SEMA3C: variants seen among roughly 807,000 people sequenced by gnomAD.
SEMA3C encodes semaphorin 3C.
In SEMA3C, 47 loss-of-function variants were observed where a neutral mutation model predicts 89.4. The ratio of observed to expected loss-of-function variants is 0.53; its 90% CI spans 0.42 to 0.67. SEMA3C has a LOEUF of 0.67. Among genes scored for constraint, SEMA3C ranks in the 30% least tolerant of loss-of-function variants. SEMA3C has a pLI of 0.00. For missense variants in SEMA3C, 839 were observed against 929.1 expected, an observed-to-expected ratio of 0.90 and a Z score of 1.26; for synonymous variants, 310 against 320.2, an observed-to-expected ratio of 0.97 and a Z score of 0.34.
At chr7:80,779,001 G>T (rs1788629985) in intron 12 of SEMA3C, among the ~76,000 whole-genome samples, 1 of 152,036 alleles carries the variant, frequency 6.6e-6, no homozygotes, top group African/African-American at 2.4e-5. Flanking sequence ...GCATTTTCAT[G>T]GATTCAGCTA....
At chr7:80,888,422 T>A (rs1298826450) in intron 2 of SEMA3C, among the ~76,000 whole-genome samples, 2 of 151,930 alleles carry the variant, frequency 1.3e-5, no homozygotes, top group Non-Finnish European at 2.9e-5. Flanking sequence ...TGAGATGACA[T>A]CACTGCATCC....
chr7:80,763,965 T>C (rs1307813409), intron 13 of SEMA3C, among the ~76,000 whole-genome samples: 1 of 152,216 alleles, frequency 6.6e-6, no homozygotes, highest in Non-Finnish European at 1.5e-5. Context: ...AAAGTTAGTC[T>C]AGCATTAAAA....
At chr7:80,751,177 G>T in intron 16 of SEMA3C, 92 bp downstream of exon 16, 1 of 1,028,084 alleles carries the variant, frequency 9.7e-7, no homozygotes, top group Non-Finnish European at 1.5e-6. Context: ...AAAGTGAAAC[G>T]CCTGAATCTA....
chr7:80,872,725 C>A (rs1791093248), intron 2 of SEMA3C, among the ~76,000 whole-genome samples: 1 of 145,212 alleles, frequency 6.9e-6, no homozygotes, highest in African/African-American at 2.6e-5. Context: ...CGCTTGAACC[C>A]AGGAGGTGGA....
At chr7:80,816,287 T>C (rs1224754632) in intron 5 of SEMA3C, 1 of 152,162 alleles carries the variant, frequency 6.6e-6, no homozygotes, top group Non-Finnish European at 1.5e-5. Context: ...GTCCCAGATA[T>C]AAAACTGAAT....
At chr7:80,864,500 CTAAAG>C (rs1790880377) in intron 2 of SEMA3C, among the ~76,000 whole-genome samples, 3 of 151,870 alleles carry the variant, frequency 2.0e-5, no homozygotes, top group African/African-American at 7.2e-5. Flanking sequence ...TATGTTGTTA[CTAAAG>C]TAATCTTAAA....
In SEMA3C at chr7:80,890,558, C is replaced by T. The variant is rs1791587050; in HGVS notation, c.103+26121G>A. ...TTTGGCTGAGTTTATATACTTTCTACTTTTTAAATCTATTGGTCTGGAAAC... is the reference window on the plus strand; with the variant it reads ...TTTGGCTGAGTTTATATACTTTCTATTTTTTAAATCTATTGGTCTGGAAAC... On this transcript the variant is annotated intron_variant, in intron 2 of 17. Coordinates refer to ENST00000265361, the MANE Select transcript of SEMA3C (RefSeq NM_006379.5). Among the ~76,000 whole-genome samples, 4 of 152,206 alleles carry T rather than the reference C, an allele frequency of 2.6e-5. No individual in the cohort carries two copies. The South Asian group carries it at 6.2e-4, about 24-fold the overall frequency.
At chr7:80,753,368 C>T (rs1787982094) in intron 15 of SEMA3C, among the ~76,000 whole-genome samples, 1 of 152,186 alleles carries the variant, frequency 6.6e-6, no homozygotes, top group African/African-American at 2.4e-5. Flanking sequence ...AGAGCGTTTT[C>T]AGCCATCTAG....
Position 80,910,431 on chromosome 7 carries a change from T to C in SEMA3C, c.103+6248A>G, listed in dbSNP as rs527831630. Reference sequence around the variant, plus strand: ...CAGCAAATTGTTTCATGGCTAGTGCTACCCTAAAATAGCACATGGCTCAGC... The same window carrying C: ...CAGCAAATTGTTTCATGGCTAGTGCCACCCTAAAATAGCACATGGCTCAGC... On this transcript the variant is annotated intron_variant, in intron 2 of 17. Coordinates refer to ENST00000265361, the MANE Select transcript of SEMA3C (RefSeq NM_006379.5). 2.2e-4 allele frequency among the ~76,000 whole-genome samples: 33 copies of C among 152,314 alleles called. 1 individual carries two copies. The South Asian group carries it at 6.8e-3, about 32-fold the overall frequency.
intron 2 of SEMA3C, among the ~76,000 whole-genome samples, chr7:80,847,863 CA>C (rs1425832138): frequency 6.6e-6 from 1 of 152,144 alleles, no homozygotes; most frequent in Non-Finnish European, 1.5e-5. Flanking sequence ...TCATCTCATT[CA>C]GCCTCAAATT....
chr7:80,821,918 ACTAT>A (rs1351237316), intron 4 of SEMA3C, among the ~76,000 whole-genome samples: 3 of 152,010 alleles, frequency 2.0e-5, no homozygotes, highest in Admixed American at 1.3e-4. Context: ...AGATTCCCAC[ACTAT>A]CTGTTGCTCA....
intron 12 of SEMA3C, among the ~76,000 whole-genome samples, chr7:80,776,549 T>A (rs1332611962): frequency 6.6e-6 from 1 of 152,190 alleles, no homozygotes; most frequent in Non-Finnish European, 1.5e-5. Flanking sequence ...CTCCCCGTAG[T>A]CTGAAACTGC....
At position 80,749,701 on chromosome 7, in the gene SEMA3C, C is replaced by T. The variant is rs190890570; in HGVS notation, c.1712-673G>A. ...TAGCATTTTTACATAGGTTTCTCAA[C>T]GAAAGTATTAAATTAGGCAAAACAT... On this transcript the variant is annotated intron_variant, in intron 16 of 17. Coordinates refer to ENST00000265361, the MANE Select transcript of SEMA3C (RefSeq NM_006379.5). Among the ~76,000 whole-genome samples, 71 of 152,184 alleles carry T rather than the reference C, an allele frequency of 4.7e-4. 1 individual carries two copies. Among genetic ancestry groups the T allele is most frequent in the Admixed American group, 2.2e-3 (33 of 15,276 alleles).
chr7:80,873,817 T>C (rs1338992678), intron 2 of SEMA3C, among the ~76,000 whole-genome samples: 3 of 152,204 alleles, frequency 2.0e-5, no homozygotes, highest in Non-Finnish European at 4.4e-5. Flanking sequence ...CTTCCAGTTG[T>C]TGCATGGAAA....
At chr7:80,853,204 T>C (rs573490581) in intron 2 of SEMA3C, among the ~76,000 whole-genome samples, 1 of 152,248 alleles carries the variant, frequency 6.6e-6, no homozygotes, top group Non-Finnish European at 1.5e-5. Flanking sequence ...GGAGAACAGC[T>C]TGGAGGCTCC....
chr7:80,768,048 T>C (rs1408053882), intron 12 of SEMA3C, among the ~76,000 whole-genome samples: 1 of 152,230 alleles, frequency 6.6e-6, no homozygotes, highest in Non-Finnish European at 1.5e-5. Context: ...TTTGTAAGGA[T>C]ACAAAGTATA....
At chr7:80,846,886 T>G (rs1042355984) in intron 2 of SEMA3C, among the ~76,000 whole-genome samples, 1 of 152,156 alleles carries the variant, frequency 6.6e-6, no homozygotes, top group Non-Finnish European at 1.5e-5. Flanking sequence ...CAATTATAGC[T>G]GAAGAGCAGC....
intron 2 of SEMA3C, among the ~76,000 whole-genome samples, chr7:80,840,916 G>C (rs1307113983): frequency 6.6e-6 from 1 of 152,132 alleles, no homozygotes; most frequent in African/African-American, 2.4e-5. Flanking sequence ...TTGACCTGAA[G>C]GATAAAGTTG....
At chr7:80,874,698 C>T (rs978150114) in intron 2 of SEMA3C, among the ~76,000 whole-genome samples, 2 of 151,966 alleles carry the variant, frequency 1.3e-5, no homozygotes, top group Admixed American at 1.3e-4. Flanking sequence ...GAACTCCTGA[C>T]CTCAGTTAAT....
Sources: allele counts gnomAD v4.1 joint callset (sites outside exome capture counted in the v4.1 genomes callset), GRCh38; gene constraint gnomAD v4.1.1; transcripts MANE v1.5; gene names NCBI Gene and HGNC (gene_info 2026-07-23, HGNC 2026-07-21).